Variants in EPAS1 observed in about 807,000 individuals in gnomAD.
EPAS1 encodes endothelial PAS domain-containing protein 1.
A neutral mutation model predicts 87.9 loss-of-function variants in EPAS1; 23 were observed. The ratio of observed to expected loss-of-function variants is 0.26; its 90% CI spans 0.19 to 0.37. EPAS1 has a LOEUF of 0.37. Among genes scored for constraint, EPAS1 ranks in the 10% least tolerant of loss-of-function variants. The pLI, the probability that EPAS1 is intolerant of heterozygous loss-of-function variation, is 1.00. For synonymous variants in EPAS1, 508 were observed against 444.3 expected (o/e 1.14, Z -1.80); for missense variants, 1,138 against 1,120.7 (o/e 1.02, Z -0.22).
At chr2:46,324,955 C>A (rs1683524234) in intron 1 of EPAS1, among the ~76,000 whole-genome samples, 1 of 152,232 alleles carries the variant, frequency 6.6e-6, no homozygotes, top group African/African-American at 2.4e-5. Flanking sequence ...TTGGACTGGG[C>A]AGTTCCCCAT....
At chr2:46,309,036 G>T (rs77373362) in intron 1 of EPAS1, among the ~76,000 whole-genome samples, 2 of 152,176 alleles carry the variant, frequency 1.3e-5, no homozygotes, top group Admixed American at 6.5e-5. Flanking sequence ...ATTTTTTCCT[G>T]TTCTTTTTTC....
intron 1 of EPAS1, among the ~76,000 whole-genome samples, chr2:46,325,553 C>G (rs1683546996): frequency 6.6e-6 from 1 of 152,112 alleles, no homozygotes; most frequent in African/African-American, 2.4e-5. Flanking sequence ...GGGATAAGAT[C>G]AGTGCAGGGT....
In EPAS1 at chr2:46,371,075, G is replaced by A. The variant is rs1321986681; in HGVS notation, c.886+1142G>A. ...AAACCGATGGGCAAGACTGTATTTG[G>A]AAAAGAATGCTTCAAAACGAGTGCC... On this transcript the variant is annotated intron_variant, in intron 7 of 15. Transcript: ENST00000263734. The surrounding 1 kb of genome is among the most constrained non-coding windows in gnomAD (Gnocchi z 4.3). Among the ~76,000 whole-genome samples the A allele has an allele frequency of 6.6e-6, 1 of 152,192 alleles. No individual in the cohort carries two copies. Among genetic ancestry groups the A allele is most frequent in the African/African-American group, 2.4e-5 (1 of 41,446 alleles).
intron 1 of EPAS1, among the ~76,000 whole-genome samples, chr2:46,315,969 A>C (rs919489861): frequency 6.6e-6 from 1 of 152,246 alleles, no homozygotes; most frequent in Non-Finnish European, 1.5e-5. Context: ...CCCCATAAAA[A>C]GTCATAGTAA....
chr2:46,304,225 C>T (rs974839129), intron 1 of EPAS1, among the ~76,000 whole-genome samples: 5 of 152,186 alleles, frequency 3.3e-5, no homozygotes, highest in African/African-American at 1.2e-4. Context: ...CAGAACTTTA[C>T]ATGGATTAAC....
intron 2 of EPAS1, 24 bp from the exon 3 acceptor site, chr2:46,356,127 T>TGGGGGGGGGGGGGGGGGGGGGGGGGGG: frequency 1.0e-4 from 140 of 1,395,218 alleles, no homozygotes; most frequent in Non-Finnish European, 1.3e-4. Context: ...TCATGCAAGC[T>TGGGGGGGGGGGGGGGGGGGGGGGGGGG]GTCCCACCCC....
intron 1 of EPAS1, among the ~76,000 whole-genome samples, chr2:46,323,994 G>C (rs1276698608): frequency 3.3e-5 from 5 of 152,352 alleles, no homozygotes; most frequent in African/African-American, 4.8e-5. Context: ...TGGCTACTGT[G>C]TATATAGGGC....
At position 46,308,093 on chromosome 2, in the gene EPAS1, A is replaced by C. The variant is rs549395364; in HGVS notation, c.26+10156A>C. On this transcript the variant is annotated intron_variant, in intron 1 of 15. Transcript: ENST00000263734. ...TGTGCCTCCTGAGTTCCTAATACAC[A>C]AGCCTCCTCCCACAGCCTCAAAGGC... Among the ~76,000 whole-genome samples, 7 of 152,246 alleles carry C rather than the reference A, an allele frequency of 4.6e-5. No individual in the cohort carries two copies. In the South Asian group the frequency reaches 1.2e-3, roughly 27 times the overall value.
intron 1 of EPAS1, among the ~76,000 whole-genome samples, chr2:46,316,727 GT>G (rs1371207619): frequency 6.6e-6 from 1 of 152,102 alleles, no homozygotes; most frequent in Non-Finnish European, 1.5e-5. Context: ...TGGGGTGGCT[GT>G]GGCAATTCCT....
intron 2 of EPAS1, among the ~76,000 whole-genome samples, chr2:46,354,011 T>C (rs867031075): frequency 1.4e-4 from 22 of 152,388 alleles, no homozygotes; most frequent in South Asian, 2.1e-4. Context: ...TCTCTGATCC[T>C]GTGTCCTGAA....
intron 1 of EPAS1, among the ~76,000 whole-genome samples, chr2:46,333,690 G>A (rs879689745): frequency 1.3e-5 from 2 of 152,184 alleles, no homozygotes; most frequent in Middle Eastern, 3.4e-3. Context: ...AGACCTCAAG[G>A]AGCACGTCCA....
intron 2 of EPAS1, 24 bp from the exon 3 acceptor site, chr2:46,356,127 T>TGGGGGGGGGGGC: frequency 1.4e-6 from 2 of 1,395,468 alleles, no homozygotes; most frequent in Non-Finnish European, 2.0e-6. Flanking sequence ...TCATGCAAGC[T>TGGGGGGGGGGGC]GTCCCACCCC....
At chr2:46,353,003 G>A (rs778056234) in intron 2 of EPAS1, among the ~76,000 whole-genome samples, 11 of 152,216 alleles carry the variant, frequency 7.2e-5, no homozygotes, top group Non-Finnish European at 1.3e-4. Context: ...TCTGGGACTA[G>A]TTAACCCAAA....
At position 46,338,740 on chromosome 2, in the gene EPAS1, G is replaced by C. The variant is rs138244000; in HGVS notation, c.27-8133G>C. 2.6e-5 allele frequency among the ~76,000 whole-genome samples: 4 copies of C among 152,342 alleles called. No homozygotes were observed. The East Asian group carries it at 7.7e-4, about 29-fold the overall frequency. On this transcript the variant is annotated intron_variant, in intron 1 of 15. Coordinates refer to ENST00000263734, the MANE Select transcript of EPAS1 (RefSeq NM_001430.5). ...ATGCATGAGGAAGAGAAGCAGCCTAGAGAGAGCTGGCCATGGGAAAAGGAG... is the reference window on the plus strand; with the variant it reads ...ATGCATGAGGAAGAGAAGCAGCCTACAGAGAGCTGGCCATGGGAAAAGGAG...
At chr2:46,345,812 A>C (rs1414343714) in intron 1 of EPAS1, among the ~76,000 whole-genome samples, 1 of 152,156 alleles carries the variant, frequency 6.6e-6, no homozygotes. Flanking sequence ...TTTAACTCTT[A>C]TGATTGTCTT....
chr2:46,311,925 C>T (rs1307137177), intron 1 of EPAS1, among the ~76,000 whole-genome samples: 2 of 152,188 alleles, frequency 1.3e-5, no homozygotes, highest in Non-Finnish European at 2.9e-5. Flanking sequence ...CCTGAGTCAT[C>T]TCTTTTGAGC....
chr2:46,356,982 C>G (rs1684283445), intron 4 of EPAS1, among the ~76,000 whole-genome samples, 174 bp downstream of exon 4: 1 of 152,116 alleles, frequency 6.6e-6, no homozygotes, highest in Non-Finnish European at 1.5e-5. Flanking sequence ...TTGAGAGGAT[C>G]CAGTACTCAG....
At chr2:46,341,340 G>A (rs547030734) in intron 1 of EPAS1, among the ~76,000 whole-genome samples, 1 of 152,354 alleles carries the variant, frequency 6.6e-6, no homozygotes, top group Admixed American at 6.5e-5. Flanking sequence ...GGTTTGAAAT[G>A]AGGTGTGTCC....
At position 46,308,462 on chromosome 2, in the gene EPAS1, G is replaced by GGC. The variant is rs894503281; in HGVS notation, c.26+10526_26+10527insCG. 1.6e-4 allele frequency among the ~76,000 whole-genome samples: 22 copies of GGC among 137,346 alleles called. 1 individual carries two copies. Among genetic ancestry groups the GGC allele is most frequent in the South Asian group, 5.3e-4 (2 of 3,754 alleles). The allele number at this position is 137,346 out of a possible 152,430, so 90.1% of individuals were successfully genotyped here. A position where few individuals can be genotyped will look rare whatever the true frequency, so the allele number is the denominator to read the frequency against. On this transcript the variant is annotated intron_variant, in intron 1 of 15. Transcript: ENST00000263734. Reference sequence around the variant, plus strand: ...CTAATACCTTGCTTGCTTTTTTTTGGGGGGGGGGGCTCTGAAATCATGCTT... The same window carrying GGC: ...CTAATACCTTGCTTGCTTTTTTTTGGGCGGGGGGGGGCTCTGAAATCATGCTT...
Sources: gnomAD v4.1 joint callset for allele counts (sites outside exome capture counted in the v4.1 genomes callset) on GRCh38, gnomAD v4.1.1 for gene constraint, Gnocchi (gnomAD v3.1) non-coding constraint, MANE v1.5 for transcripts, NCBI Gene and HGNC (gene_info 2026-07-23, HGNC 2026-07-21) for gene names.